The following PARK7 variants were observed in gnomAD, a reference collection of about 807,000 sequenced individuals.
PARK7 encodes the protein Parkinson disease protein 7.
In PARK7, 14 loss-of-function variants were observed where a neutral mutation model predicts 20.5. That is an observed-to-expected ratio of 0.68 (90% CI 0.45 to 1.07). The LOEUF is 1.07. Ranked by LOEUF, PARK7 falls within the 50% of genes least tolerant of loss-of-function variation. The probability of loss-of-function intolerance (pLI) is 0.00; values close to 1 mark genes in which losing one functional copy is unlikely to be tolerated. For synonymous variants in PARK7, 98 were observed against 84.3 expected (o/e 1.16, Z -0.89); for missense variants, 234 against 238.1 (o/e 0.98, Z 0.11).
At chr1:7,975,948 G>A (rs766222009) in intron 5 of PARK7, among the ~76,000 whole-genome samples, 11 of 152,164 alleles carry the variant, frequency 7.2e-5, no homozygotes, top group Non-Finnish European at 1.5e-4. Context: ...TAAAAATAAC[G>A]TGGAGAAGAG....
At chr1:7,965,174 G>A (rs1640297578) in intron 2 of PARK7, 150 bp from the exon 3 acceptor site, 2 of 695,708 alleles carry the variant, frequency 2.9e-6, no homozygotes, top group East Asian at 2.8e-5. Context: ...CCCAGGAGCT[G>A]GAGGCTGCAG....
chr1:7,977,987 T>TTC (rs1640623333), intron 6 of PARK7, among the ~76,000 whole-genome samples: 1 of 31,154 alleles, frequency 3.2e-5, no homozygotes, highest in East Asian at 3.1e-4. Context: ...CTCAAACTCT[T>TTC]TTTTTTTTTT....
chr1:7,962,914 ATGTTTT>A (rs1640240143), intron 2 of PARK7, 39 bp downstream of exon 2: 1 of 1,496,278 alleles, frequency 6.7e-7, no homozygotes, highest in African/African-American at 1.4e-5. Context: ...CCTGTTTTAA[ATGTTTT>A]TGGATTTTTA....
chr1:7,965,889 A>G (rs922957825), intron 3 of PARK7, among the ~76,000 whole-genome samples: 1 of 152,136 alleles, frequency 6.6e-6, no homozygotes, highest in Non-Finnish European at 1.5e-5. Flanking sequence ...AGCTCACTGC[A>G]GCCTCAACCT....
intron 3 of PARK7, 124 bp from the exon 4 acceptor site, chr1:7,969,221 A>G (rs1370329808): frequency 5.4e-6 from 4 of 737,326 alleles, no homozygotes; most frequent in East Asian, 2.7e-5. Flanking sequence ...TAACTGTTCT[A>G]TTGGCAGATA....
chr1:7,962,813 C>A lies in PARK7; in HGVS notation c.28C>A (p.Leu10Met), dbSNP rs1309873819. Residue 10 changes from leucine to methionine, a missense_variant, in exon 2 of 7, where the codon CTG becomes ATG. Physicochemically the swap from Leu to Met is conservative, Grantham distance 15 (BLOSUM62 2). Transcript: ENST00000338639. The part of the protein sequence containing the change: MASKRALVI[L>M]AKGAEEMETV... ...GGCTTCCAAAAGAGCTCTGGTCATC[C>A]TGGCTAAAGGAGCAGAGGAAATGGA... The A allele has an allele frequency of 6.2e-7, 1 of 1,611,552 alleles. No individual in the cohort carries two copies. Among genetic ancestry groups the A allele is most frequent in the African/African-American group, 1.3e-5 (1 of 74,116 alleles).
chr1:7,974,266 T>A (rs914424485), intron 5 of PARK7, among the ~76,000 whole-genome samples: 1 of 149,826 alleles, frequency 6.7e-6, no homozygotes, highest in Non-Finnish European at 1.5e-5. Flanking sequence ...GAGGTTACAT[T>A]GAGATGTGGT....
rs185797451 is a variant in PARK7 at position 7,972,871 on chromosome 1, T to A, written c.322+1908T>A. On this transcript the variant is annotated intron_variant, in intron 5 of 6. Coordinates refer to ENST00000338639, the MANE Select transcript of PARK7 (RefSeq NM_007262.5). ...CTGGCTAACATGGTGAAACCCCGTC[T>A]CTACTAAAAATACAAAAGTTAGCTG... Among the ~76,000 whole-genome samples the A allele has an allele frequency of 5.9e-5, 9 of 152,232 alleles. No individual in the cohort carries two copies. In the East Asian group the frequency reaches 1.4e-3, roughly 23 times the overall value.
intron 3 of PARK7, among the ~76,000 whole-genome samples, chr1:7,966,136 C>T (rs547213762): frequency 4.8e-4 from 73 of 152,092 alleles, no homozygotes; most frequent in African/African-American, 1.7e-3. Context: ...CACACTCCGT[C>T]GTGCGGTCAG....
At chr1:7,978,325 C>G (rs1640630737) in intron 6 of PARK7, among the ~76,000 whole-genome samples, 2 of 151,578 alleles carry the variant, frequency 1.3e-5, no homozygotes, top group South Asian at 2.1e-4. Context: ...ATCTGCCTGC[C>G]TCAGCCTCCC....
chr1:7,976,130 C>T (rs1640579943), intron 5 of PARK7, among the ~76,000 whole-genome samples: 1 of 152,112 alleles, frequency 6.6e-6, no homozygotes, highest in Non-Finnish European at 1.5e-5. Flanking sequence ...TCCTTGGAGT[C>T]TTGTTGAAAA....
chr1:7,974,850 CTT>C (rs547673963), intron 5 of PARK7, among the ~76,000 whole-genome samples: 36 of 125,518 alleles, frequency 2.9e-4, no homozygotes, highest in Admixed American at 4.9e-4. Flanking sequence ...AAATAAGATT[CTT>C]TTTTTTTTTT....
chr1:7,972,111 C>T (rs1425547019), intron 5 of PARK7, among the ~76,000 whole-genome samples: 2 of 152,128 alleles, frequency 1.3e-5, no homozygotes, highest in Admixed American at 6.6e-5. Context: ...GGACTTGATA[C>T]ATTCGAGTAT....
intron 2 of PARK7, among the ~76,000 whole-genome samples, chr1:7,965,031 T>A (rs1640295478): frequency 6.6e-6 from 1 of 152,156 alleles, no homozygotes; most frequent in African/African-American, 2.4e-5. Flanking sequence ...TTTGGTATAG[T>A]TGTGGTGCAG....
intron 6 of PARK7, among the ~76,000 whole-genome samples, chr1:7,981,626 GCTTGT>G (rs1472344276): frequency 6.6e-6 from 1 of 151,780 alleles, no homozygotes; most frequent in African/African-American, 2.4e-5. Flanking sequence ...CGGCCCTCAG[GCTTGT>G]CGTTGCTGAC....
intron 3 of PARK7, among the ~76,000 whole-genome samples, chr1:7,968,302 C>CAAAAA (rs34105225): frequency 9.8e-6 from 1 of 101,836 alleles, no homozygotes; most frequent in Non-Finnish European, 2.0e-5. Context: ...GACTCTGTCT[C>CAAAAA]AAAAAAAAAA....
At position 7,970,937 on chromosome 1, in the gene PARK7, A is replaced by T; in HGVS notation, c.296A>T (p.Lys99Met). 1 of 1,614,202 alleles carries T rather than the reference A, an allele frequency of 6.2e-7. No homozygotes were observed. The highest frequency in any genetic ancestry group is 8.5e-7 in the Non-Finnish European group (1 of 1,180,032). The change falls in exon 5 of 7, where the codon AAG (lysine) becomes ATG (methionine). Residue 99 changes from lysine (K) to methionine (M), a missense_variant. Lys to Met is a moderately conservative substitution (Grantham distance 95). Transcript: ENST00000338639. The part of the protein sequence containing the change: ...KEILKEQENR[K>M]GLIAAICAGP... ...ATACTGAAGGAGCAGGAAAACCGGA[A>T]GGGCCTGATAGCCGCCATCTGTGCA... is the stretch of plus-strand genomic sequence containing the variant.
At position 7,977,747 on chromosome 1, in the gene PARK7, A is replaced by G. The variant is rs1022947994; in HGVS notation, c.409+9A>G. The G allele has an allele frequency of 4.3e-6, 7 of 1,611,760 alleles. No homozygotes were observed. The highest frequency in any genetic ancestry group is 1.3e-5 in the African/African-American group (1 of 74,830). ...CAAAATGATGAATGGAGGTAAGTAT[A>G]TGCTTGTTTTTGTTTGTTTGTTTGT... On this transcript the variant is annotated intron_variant, in intron 6 of 6. Coordinates refer to ENST00000338639, the MANE Select transcript of PARK7 (RefSeq NM_007262.5).
chr1:7,973,359 G>A (rs1640503719), intron 5 of PARK7, among the ~76,000 whole-genome samples: 1 of 152,228 alleles, frequency 6.6e-6, no homozygotes, highest in Admixed American at 6.5e-5. Flanking sequence ...TGGCTCTGCT[G>A]CTGTGAAGCA....
Sources: allele counts gnomAD v4.1 joint callset (sites outside exome capture counted in the v4.1 genomes callset), GRCh38; gene constraint gnomAD v4.1.1; transcripts MANE v1.5; gene names NCBI Gene and HGNC (gene_info 2026-07-23, HGNC 2026-07-21).